Variants in SLC39A11 observed in about 807,000 individuals in gnomAD.
SLC39A11 encodes the protein zinc transporter ZIP11.
In SLC39A11, 33 loss-of-function variants were observed where a neutral mutation model predicts 36.1. The observed-to-expected ratio is 0.91, with a 90% CI of 0.69 to 1.22. SLC39A11 has a LOEUF of 1.22. SLC39A11 is among the 50% of genes most tolerant of loss of function. The pLI is 0.00. For missense variants in SLC39A11, 432 were observed against 430.3 expected (o/e 1.00, Z -0.03); for synonymous variants, 166 against 170.3 (o/e 0.97, Z 0.20).
intron 6 of SLC39A11, among the ~76,000 whole-genome samples, chr17:72,737,843 A>G (rs974669777): frequency 6.6e-6 from 1 of 152,050 alleles, no homozygotes; most frequent in African/African-American, 2.4e-5. Flanking sequence ...TCCAGGACCA[A>G]TTGAGGCCAG....
At chr17:72,844,754 C>T (rs1011325100) in intron 6 of SLC39A11, among the ~76,000 whole-genome samples, 59 of 152,316 alleles carry the variant, frequency 3.9e-4, no homozygotes, top group African/African-American at 1.4e-3. Flanking sequence ...AAGCCAACTC[C>T]AAACTCATGT....
intron 6 of SLC39A11, among the ~76,000 whole-genome samples, chr17:72,844,025 A>T (rs1042515318): frequency 5.9e-5 from 9 of 151,404 alleles, no homozygotes; most frequent in Admixed American, 2.6e-4. Flanking sequence ...AAGACAAAAA[A>T]CTTCAAAAAA....
intron 6 of SLC39A11, chr17:72,838,081 C>T (rs891440851): frequency 1.4e-5 from 11 of 805,588 alleles, no homozygotes; most frequent in African/African-American, 3.6e-5. Context: ...GCCAGCAGTT[C>T]GAGGCCACCC....
intron 5 of SLC39A11, among the ~76,000 whole-genome samples, chr17:72,856,154 A>C (rs2079632869): frequency 6.6e-6 from 1 of 152,186 alleles, no homozygotes; most frequent in African/African-American, 2.4e-5. Flanking sequence ...TTCCCTAATA[A>C]ATTTCCAGGA....
chr17:72,866,641 C>T (rs889013934), intron 5 of SLC39A11, among the ~76,000 whole-genome samples: 1 of 151,932 alleles, frequency 6.6e-6, no homozygotes, highest in Admixed American at 6.6e-5. Context: ...GTATACACAA[C>T]CAGAGAGAAA....
intron 6 of SLC39A11, among the ~76,000 whole-genome samples, chr17:72,814,394 G>A (rs2077521721): frequency 6.6e-6 from 1 of 152,234 alleles, no homozygotes; most frequent in African/African-American, 2.4e-5. Flanking sequence ...CGGCCTTGGA[G>A]AGTTGTCAGA....
At chr17:72,661,923 G>C (rs1435630434) in intron 7 of SLC39A11, among the ~76,000 whole-genome samples, 1 of 152,208 alleles carries the variant, frequency 6.6e-6, no homozygotes, top group Non-Finnish European at 1.5e-5. Context: ...TCTCCCTGCA[G>C]AAGTGTAGAC....
chr17:72,871,062 T>TG (rs1401900782), intron 5 of SLC39A11, among the ~76,000 whole-genome samples: 2 of 150,906 alleles, frequency 1.3e-5, no homozygotes, highest in Admixed American at 1.3e-4. Flanking sequence ...TTTTGTTTTT[T>TG]TTTTTTTTTT....
chr17:72,770,516 T>C (rs746606401), intron 6 of SLC39A11, among the ~76,000 whole-genome samples: 16 of 152,304 alleles, frequency 1.1e-4, no homozygotes, highest in East Asian at 3.9e-4. Context: ...GCGGCTCTTC[T>C]TCCCAGGCCT....
intron 3 of SLC39A11, among the ~76,000 whole-genome samples, chr17:73,084,560 C>T (rs1262483475): frequency 6.6e-6 from 1 of 151,678 alleles, no homozygotes; most frequent in Non-Finnish European, 1.5e-5. Context: ...TAGGCCCTTA[C>T]CAAATAAGAT....
intron 7 of SLC39A11, among the ~76,000 whole-genome samples, chr17:72,697,628 A>C (rs987258556): frequency 6.6e-6 from 1 of 152,156 alleles, no homozygotes; most frequent in Admixed American, 6.5e-5. Flanking sequence ...GGTTGCTCTG[A>C]AAATCAGATC....
intron 6 of SLC39A11, among the ~76,000 whole-genome samples, chr17:72,760,886 G>A (rs574435892): frequency 3.3e-5 from 5 of 152,152 alleles, no homozygotes; most frequent in African/African-American, 1.2e-4. Flanking sequence ...AAATCCTCTG[G>A]CCAAGGCAGC....
chr17:72,947,493 T>C (rs1209117731), intron 5 of SLC39A11: 3 of 525,068 alleles, frequency 5.7e-6, no homozygotes, highest in Admixed American at 3.2e-5. Context: ...TGTCCACCTG[T>C]CCAAGTCGAA....
chr17:72,831,020 A>T (rs1242410780), intron 6 of SLC39A11, among the ~76,000 whole-genome samples: 1 of 152,182 alleles, frequency 6.6e-6, no homozygotes, highest in Non-Finnish European at 1.5e-5. Context: ...TTGTAGAAAA[A>T]TGAGGAGCCT....
At chr17:72,945,385 C>T (rs929256235) in intron 5 of SLC39A11, among the ~76,000 whole-genome samples, 1 of 152,138 alleles carries the variant, frequency 6.6e-6, no homozygotes, top group Non-Finnish European at 1.5e-5. Context: ...TCACTAAATA[C>T]CCATTAAACC....
chr17:72,859,057 C>A (rs980200528), intron 5 of SLC39A11, among the ~76,000 whole-genome samples: 1 of 152,178 alleles, frequency 6.6e-6, no homozygotes, highest in Non-Finnish European at 1.5e-5. Context: ...TGACAGAGGG[C>A]AGCCTTGTCT....
chr17:72,720,663 C>T (rs1351982076), intron 7 of SLC39A11, among the ~76,000 whole-genome samples: 1 of 152,172 alleles, frequency 6.6e-6, no homozygotes, highest in African/African-American at 2.4e-5. Flanking sequence ...CACCAGGCTC[C>T]ACTCAGGGAG....
At chr17:72,706,008 G>A (rs1359627279) in intron 7 of SLC39A11, among the ~76,000 whole-genome samples, 1 of 152,172 alleles carries the variant, frequency 6.6e-6, no homozygotes, top group Non-Finnish European at 1.5e-5. Context: ...TGGTCCCCAG[G>A]ACACGTGGCT....
intron 6 of SLC39A11, among the ~76,000 whole-genome samples, chr17:72,786,454 C>G (rs1377384909): frequency 2.0e-5 from 3 of 152,202 alleles, no homozygotes; most frequent in Non-Finnish European, 4.4e-5. Context: ...ATTTTATACA[C>G]CCCATCTTGC....
Sources: allele counts gnomAD v4.1 joint callset (sites outside exome capture counted in the v4.1 genomes callset), GRCh38; gene constraint gnomAD v4.1.1; transcripts MANE v1.5; gene names NCBI Gene and HGNC (gene_info 2026-07-23, HGNC 2026-07-21).